Variants in KLK9 observed in about 807,000 individuals in gnomAD.
KLK9 encodes the protein kallikrein related peptidase 9, also known as kallikrein-9.
Under a neutral mutation model 23.3 loss-of-function variants are expected in KLK9, and 26 were observed. That is an observed-to-expected ratio of 1.12 (90% CI 0.82 to 1.55). The LOEUF (loss-of-function observed/expected upper bound fraction) is 1.55. KLK9 is among the 40% of genes most tolerant of loss of function. KLK9 has a pLI of 0.00. For missense variants in KLK9, 346 were observed against 333.7 expected, an observed-to-expected ratio of 1.04 and a Z score of -0.29; for synonymous variants, 122 against 128.5, an observed-to-expected ratio of 0.95 and a Z score of 0.34.
In KLK9 at chr19:51,009,088, G is replaced by A; in HGVS notation, c.200+95C>T. 1 of 1,384,040 alleles carries A rather than the reference G, an allele frequency of 7.2e-7. No homozygotes were observed. The highest frequency in any genetic ancestry group is 9.7e-7 in the Non-Finnish European group (1 of 1,034,464). 85.7% of individuals were successfully genotyped at this position (1,384,040 alleles called of 1,614,324 possible). A position where few individuals can be genotyped will look rare whatever the true frequency, so the allele number is the denominator to read the frequency against. On this transcript the variant is annotated intron_variant, in intron 2 of 4. Transcript: ENST00000594211. The surrounding 1 kb of genome is among the most constrained non-coding windows in gnomAD (Gnocchi z 4.8). ...AAGAGTTGAACTTGTGGTATCAGAA[G>A]TGGAGGCTCCGCACTTCTGGCCTAA... is the stretch of plus-strand genomic sequence containing the variant.
At position 51,003,208 on chromosome 19, in the gene KLK9, G is replaced by A; in HGVS notation, c.656C>T (p.Ser219Phe). The change falls in exon 5 of 5, where the codon TCT (serine) becomes TTT (phenylalanine). Residue 219 changes from serine to phenylalanine, a missense_variant. By Grantham distance (155) the Ser-to-Phe change is radical. Transcript: ENST00000594211. ...VCNGTLAGVV[S>F]GGAEPCSRPR... is the part of the protein sequence containing the mutation. ...TCTGGAGCAGGGCTCAGCACCCCCA[G>A]ACACCACGCCTGCCAAGGTTCCATT... 6.2e-7 allele frequency: 1 copy of A among 1,613,088 alleles called. No individual in the cohort carries two copies.
chr19:51,002,953 G>C lies in KLK9; in HGVS notation c.*158C>G. The C allele has an allele frequency of 1.2e-6, 1 of 866,988 alleles. No homozygotes were observed. The highest frequency in any genetic ancestry group is 1.7e-5 in the African/African-American group (1 of 59,204). 53.7% of individuals were successfully genotyped at this position (866,988 alleles called of 1,614,324 possible). A position where few individuals can be genotyped will look rare whatever the true frequency, so the allele number is the denominator to read the frequency against. On this transcript the variant is annotated 3_prime_UTR_variant, in exon 5 of 5. Transcript: ENST00000594211. ...TGTGTCTTGCTTGACCTCGTGAGGG[G>C]GCGGAGCCTCAGGGGCGGAGTCTTA...
chr19:51,005,121 G>A (rs943805932), intron 3 of KLK9, among the ~76,000 whole-genome samples: 1 of 152,128 alleles, frequency 6.6e-6, no homozygotes, highest in Non-Finnish European at 1.5e-5. Flanking sequence ...CAGAAACCTG[G>A]CTTTTGTATA....
intron 2 of KLK9, among the ~76,000 whole-genome samples, chr19:51,007,299 C>T (rs1387395104): frequency 1.3e-5 from 2 of 151,876 alleles, no homozygotes; most frequent in Admixed American, 6.6e-5. Flanking sequence ...AACCTTAAGC[C>T]CTCACCACAG....
At position 51,009,107 on chromosome 19, in the gene KLK9, G is replaced by A. The variant is rs1054665587; in HGVS notation, c.200+76C>T. 4.0e-6 allele frequency: 6 copies of A among 1,501,000 alleles called. No individual in the cohort carries two copies. In the African/African-American group the frequency reaches 5.5e-5, roughly 14 times the overall value. The allele number at this position is 1,501,000 out of a possible 1,614,324, so 93.0% of individuals were successfully genotyped here. On this transcript the variant is annotated intron_variant, in intron 2 of 4. Coordinates refer to ENST00000594211, the MANE Select transcript of KLK9 (RefSeq NM_012315.2). The surrounding 1 kb of genome is among the most constrained non-coding windows in gnomAD (Gnocchi z 4.8). ...TCAGAAGTGGAGGCTCCGCACTTCT[G>A]GCCTAAAGCACCCCTCACCCTCTCC...
chr19:51,003,648 C>A, intron 4 of KLK9, 56 bp downstream of exon 4: 1 of 1,535,758 alleles, frequency 6.5e-7, no homozygotes. Flanking sequence ...CTCTGCTCCC[C>A]TAAATCCTAG....
At chr19:51,004,959 G>C (rs143569393) in intron 3 of KLK9, among the ~76,000 whole-genome samples, 6 of 152,288 alleles carry the variant, frequency 3.9e-5, no homozygotes, top group Non-Finnish European at 7.4e-5. Flanking sequence ...ACAGAAGTCG[G>C]GGACGGGGGC....
At chr19:51,003,352 C>A in intron 4 of KLK9, 92 bp from the exon 5 acceptor site, 1 of 1,352,548 alleles carries the variant, frequency 7.4e-7, no homozygotes, top group South Asian at 1.5e-5. Context: ...AGGCCCCAGC[C>A]CCTTCCTCCT....
rs769811274 is a variant in KLK9, at chr19:51,009,151, C to T, written c.200+32G>A. On this transcript the variant is annotated intron_variant, in intron 2 of 4. Transcript: ENST00000594211. The surrounding 1 kb of genome is among the most constrained non-coding windows in gnomAD (Gnocchi z 4.8). ...CCTCTCCTGACCCCCAGCCTCTGTC[C>T]CTCCCCAGCATGGCCAGCCTGGGTC... The T allele has an allele frequency of 3.8e-6, 6 of 1,593,166 alleles. No individual in the cohort carries two copies. The highest frequency in any genetic ancestry group is 1.7e-5 in the Admixed American group (1 of 57,972).
At chr19:51,007,711 TA>T (rs2091261028) in intron 2 of KLK9, among the ~76,000 whole-genome samples, 1 of 151,960 alleles carries the variant, frequency 6.6e-6, no homozygotes, top group Non-Finnish European at 1.5e-5. Context: ...CAGCATCTCT[TA>T]CCACAATCAG....
At position 51,009,529 on chromosome 19, in the gene KLK9, A is replaced by T; in HGVS notation, c.19T>A (p.Cys7Ser). The T allele has an allele frequency of 6.2e-7, 1 of 1,613,090 alleles. No homozygotes were observed. Among genetic ancestry groups the T allele is most frequent in the Non-Finnish European group, 8.5e-7 (1 of 1,179,738 alleles). ...CCTGCCAGCAGAGAGAGCAGAGCAC[A>T]GAGGAGTCCCAGCTTCATGACCCCT... Reference protein sequence around the residue: MKLGLLCALLSLLAGHG... With the variant: MKLGLLSALLSLLAGHG... Residue 7 changes from cysteine to serine, a missense_variant, in exon 1 of 5, where the codon TGT becomes AGT. Transcript: ENST00000594211. The surrounding 1 kb of genome is among the most constrained non-coding windows in gnomAD (Gnocchi z 4.8).
Position 51,009,399 on chromosome 19 carries a change from G to A in KLK9, c.44-60C>T. 6.5e-7 allele frequency: 1 copy of A among 1,544,812 alleles called. No individual in the cohort carries two copies. Reference sequence around the variant, plus strand: ...AGAGCAGGCTGGGAGGGCAGGGAGAGGATGCTGAGAAGCCTAGAGGGCAGG... The same window carrying A: ...AGAGCAGGCTGGGAGGGCAGGGAGAAGATGCTGAGAAGCCTAGAGGGCAGG... On this transcript the variant is annotated intron_variant, in intron 1 of 4. Coordinates refer to ENST00000594211, the MANE Select transcript of KLK9 (RefSeq NM_012315.2). The surrounding 1 kb of genome is among the most constrained non-coding windows in gnomAD (Gnocchi z 4.8).
At chr19:51,007,813 C>T (rs1319949974) in intron 2 of KLK9, among the ~76,000 whole-genome samples, 1 of 152,148 alleles carries the variant, frequency 6.6e-6, no homozygotes, top group East Asian at 1.9e-4. Context: ...CAGGTGGATT[C>T]CAGGATACTA....
rs1290740691 is a variant in KLK9 at position 51,006,337 on chromosome 19, T to A, written c.466+121A>T. 13 of 975,818 alleles carry A rather than the reference T, an allele frequency of 1.3e-5. No individual in the cohort carries two copies. The highest frequency in any genetic ancestry group is 2.2e-4 in the Middle Eastern group (1 of 4,500). The allele number at this position is 975,818 out of a possible 1,614,324, so 60.4% of individuals were successfully genotyped here. A position where few individuals can be genotyped will look rare whatever the true frequency, so the allele number is the denominator to read the frequency against. On this transcript the variant is annotated intron_variant, in intron 3 of 4. Transcript: ENST00000594211. The surrounding 1 kb of genome is among the most constrained non-coding windows in gnomAD (Gnocchi z 4.1). ...CTTATATTTGGTTAAATATATCGAT[T>A]GGCAGATAGATAGACTGACAGAGAG... is the stretch of plus-strand genomic sequence containing the variant.
chr19:51,007,601 C>T (rs1415777559), intron 2 of KLK9, among the ~76,000 whole-genome samples: 2 of 151,880 alleles, frequency 1.3e-5, no homozygotes, highest in Admixed American at 6.6e-5. Context: ...TCCTGCTTCA[C>T]TTTCGGCTGA....
rs1286488341 is a variant in KLK9 at position 51,002,809 on chromosome 19, G to A, written c.*302C>T. On this transcript the variant is annotated 3_prime_UTR_variant, in exon 5 of 5. Coordinates refer to ENST00000594211, the MANE Select transcript of KLK9 (RefSeq NM_012315.2). ...AGGGGCGGAGCTATTTTGTGTAAGT[G>A]GTTCCTTGGGGCGGAGCCACAGGCT... 1 of 310,236 alleles carries A rather than the reference G, an allele frequency of 3.2e-6. No individual in the cohort carries two copies. Among genetic ancestry groups the A allele is most frequent in the East Asian group, 5.2e-5 (1 of 19,106 alleles). 19.2% of individuals were successfully genotyped at this position (310,236 alleles called of 1,614,324 possible).
chr19:51,005,936 A>G (rs999814058), intron 3 of KLK9, among the ~76,000 whole-genome samples: 13 of 148,956 alleles, frequency 8.7e-5, no homozygotes, highest in Admixed American at 2.7e-4. Flanking sequence ...AAAAAAAGAT[A>G]ATAATAATAA....
Position 51,006,836 on chromosome 19 carries a change from C to A in KLK9, c.201-113G>T. On this transcript the variant is annotated intron_variant, in intron 2 of 4. Transcript: ENST00000594211. This position sits in a 1 kb window ranked among gnomAD's most constrained non-coding sequence, Gnocchi z 4.1. Reference sequence around the variant, plus strand: ...GTGTGACCCTCTGCAAGCCACACACCCTCTCTGCACCCTCATCATCTATGT... The same window carrying A: ...GTGTGACCCTCTGCAAGCCACACACACTCTCTGCACCCTCATCATCTATGT... 1.1e-5 allele frequency: 12 copies of A among 1,122,878 alleles called. No homozygotes were observed. In the South Asian group the frequency reaches 2.0e-4, roughly 19 times the overall value. The allele number at this position is 1,122,878 out of a possible 1,614,324, so 69.6% of individuals were successfully genotyped here.
intron 3 of KLK9, among the ~76,000 whole-genome samples, chr19:51,004,471 C>T (rs1205783129): frequency 6.8e-6 from 1 of 147,194 alleles, no homozygotes; most frequent in Admixed American, 6.8e-5. Flanking sequence ...GAGGCTGAGG[C>T]GGGCGGATCA....
Sources: allele counts gnomAD v4.1 joint callset (sites outside exome capture counted in the v4.1 genomes callset), GRCh38; gene constraint gnomAD v4.1.1; non-coding constraint Gnocchi (gnomAD v3.1); transcripts MANE v1.5; gene names NCBI Gene and HGNC (gene_info 2026-07-23, HGNC 2026-07-21).